The following DIP2A variants were observed in gnomAD, a reference collection of about 807,000 sequenced individuals.
The protein encoded by DIP2A is DIP2 acetate--CoA ligase A.
DIP2A carries 85 observed loss-of-function variants against 177.4 expected under a neutral mutation model. The observed-to-expected ratio is 0.48, with a 90% confidence interval of 0.40 to 0.57. The LOEUF (loss-of-function observed/expected upper bound fraction) is 0.57, where lower values mean the gene tolerates loss of function less well. DIP2A is among the 20% of genes least tolerant of loss of function. The pLI is 0.00. For missense variants in DIP2A, 1,791 were observed against 2,100.2 expected, an observed-to-expected ratio of 0.85 and a Z score of 2.88; for synonymous variants, 886 against 881.8, an observed-to-expected ratio of 1.00 and a Z score of -0.08.
chr21:46,537,612 G>GA lies in DIP2A; in HGVS notation c.1801+79dup, dbSNP rs1340177770. ...CTTTGAACTGACCTTTGGTGCTTAA[G>GA]AAAAAATAAAGCTGACATGTGGAAC... On this transcript the variant is annotated intron_variant, in intron 15 of 37. Coordinates refer to ENST00000417564, the MANE Select transcript of DIP2A (RefSeq NM_015151.4). This position sits in a 1 kb window ranked among gnomAD's most constrained non-coding sequence, Gnocchi z 4.1. 10 of 1,453,582 alleles carry GA rather than the reference G, an allele frequency of 6.9e-6. No homozygotes were observed. In the African/African-American group the frequency reaches 9.9e-5, roughly 14 times the overall value. The allele number at this position is 1,453,582 out of a possible 1,614,324, so 90.0% of individuals were successfully genotyped here.
chr21:46,564,291 C>CA (rs1241266356), intron 35 of DIP2A, among the ~76,000 whole-genome samples: 3 of 152,192 alleles, frequency 2.0e-5, no homozygotes, highest in African/African-American at 7.2e-5. Flanking sequence ...GGCAGGAGCA[C>CA]AGACACGGGG....
Position 46,488,473 on chromosome 21 carries a change from G to C in DIP2A, c.164-2127G>C, listed in dbSNP as rs569128736. 4.6e-5 allele frequency among the ~76,000 whole-genome samples: 7 copies of C among 152,302 alleles called. No individual in the cohort carries two copies. In the South Asian group the frequency reaches 8.3e-4, roughly 18 times the overall value. ...CAGCTCTGTATGTGTACACAGTTCA[G>C]GGTGTCCACAGCAGACAAGGAGTGA... On this transcript the variant is annotated intron_variant, in intron 2 of 37. Transcript: ENST00000417564.
chr21:46,557,767 C>G lies in DIP2A; in HGVS notation c.3798+14C>G. The G allele has an allele frequency of 6.3e-7, 1 of 1,597,306 alleles. No individual in the cohort carries two copies. The highest frequency in any genetic ancestry group is 8.6e-7 in the Non-Finnish European group (1 of 1,166,306). The stretch of plus-strand genomic sequence containing the variant: ...GGTGTCCTCAGGGTGAGTGCCCAGA[C>G]CCGGGCTTCTGAGTGTGCTGCAGAC... On this transcript the variant is annotated intron_variant, in intron 31 of 37. Transcript: ENST00000417564. This position sits in a 1 kb window ranked among gnomAD's most constrained non-coding sequence, Gnocchi z 6.0.
chr21:46,559,330 G>A (rs1438446262), intron 32 of DIP2A, among the ~76,000 whole-genome samples: 2 of 152,218 alleles, frequency 1.3e-5, no homozygotes, highest in African/African-American at 4.8e-5. Flanking sequence ...ATAGCTGGAA[G>A]GAAATGGCAC....
In DIP2A at chr21:46,498,562, C is replaced by T. The variant is rs1188720420; in HGVS notation, c.404-20C>T. The T allele has an allele frequency of 1.9e-6, 3 of 1,590,196 alleles. No individual in the cohort carries two copies. In the African/African-American group the frequency reaches 4.0e-5, roughly 21 times the overall value. ...TGACTCATCCCGATATCATGCCTGT[C>T]ATCGTTATTTTAACCACAGACACGT... On this transcript the variant is annotated intron_variant, in intron 4 of 37. Coordinates refer to ENST00000417564, the MANE Select transcript of DIP2A (RefSeq NM_015151.4). This position sits in a 1 kb window ranked among gnomAD's most constrained non-coding sequence, Gnocchi z 4.3.
intron 33 of DIP2A, 38 bp from the exon 34 acceptor site, chr21:46,561,710 A>G: frequency 6.2e-7 from 1 of 1,612,540 alleles, no homozygotes; most frequent in Non-Finnish European, 8.5e-7. Context: ...CTACCTGTGT[A>G]GTAAATTTTG....
At position 46,538,473 on chromosome 21, in the gene DIP2A, C is replaced by T. The variant is rs1663626466; in HGVS notation, c.1802-10C>T. On this transcript the variant is annotated splice_polypyrimidine_tract_variant and intron_variant, in intron 15 of 37. Transcript: ENST00000417564. ...GACGCAGGGATGTCTGTGCCATCCT[C>T]TCTCTGCAGCTCGGGCCGCGCTGGT... 2 of 1,542,546 alleles carry T rather than the reference C, an allele frequency of 1.3e-6. No homozygotes were observed. Among genetic ancestry groups the T allele is most frequent in the African/African-American group, 1.4e-5 (1 of 73,136 alleles).
chr21:46,561,761 G>T lies in DIP2A; in HGVS notation c.4045G>T (p.Glu1349Ter). 6.2e-7 allele frequency: 1 copy of T among 1,613,978 alleles called. No homozygotes were observed. Among genetic ancestry groups the T allele is most frequent in the South Asian group, 1.1e-5 (1 of 91,078 alleles). The change falls in exon 34 of 38, where the codon GAA becomes TAA. Residue 1349 changes from glutamate to a stop codon, truncating the protein, a stop_gained. Transcript: ENST00000417564. LOFTEE classifies it high-confidence loss of function. ...ALRHDRVRLV[E>*]RGSPHSLPLM... ...CTTAATTTTTAGGGTTCGTTTGGTA[G>T]AACGGGGTTCTCCGCACAGCCTGCC...
chr21:46,474,758 T>C (rs950273253), intron 1 of DIP2A, among the ~76,000 whole-genome samples: 1 of 152,170 alleles, frequency 6.6e-6, no homozygotes, highest in African/African-American at 2.4e-5. Flanking sequence ...GCTGGAACTA[T>C]AGCTGCGCAC....
At position 46,542,069 on chromosome 21, in the gene DIP2A, C is replaced by G. The variant is rs939837025; in HGVS notation, c.2176+174C>G. ...GTTCAAGCGATTCTCCTGCCTCAGC[C>G]TCTTATAAATACTCCAGGCTTCATA... On this transcript the variant is annotated intron_variant, in intron 18 of 37. Transcript: ENST00000417564. Among the ~76,000 whole-genome samples the G allele has an allele frequency of 4.6e-5, 7 of 152,206 alleles. No individual in the cohort carries two copies. In the East Asian group the frequency reaches 1.3e-3, roughly 29 times the overall value.
chr21:46,473,178 T>C (rs2055544262), intron 1 of DIP2A, among the ~76,000 whole-genome samples: 1 of 152,172 alleles, frequency 6.6e-6, no homozygotes, highest in African/African-American at 2.4e-5. Flanking sequence ...GATGAAAATA[T>C]GTGTACACAT....
chr21:46,524,899 TTTTTTG>T, intron 8 of DIP2A, among the ~76,000 whole-genome samples: 1 of 98,400 alleles, frequency 1.0e-5, no homozygotes, highest in African/African-American at 3.5e-5. Context: ...TTTTTTTTTT[TTTTTTG>T]AGACAGAGTC....
At chr21:46,574,416 C>A (rs1393921591), downstream of DIP2A, among the ~76,000 whole-genome samples, 1 of 151,988 alleles carries the variant, frequency 6.6e-6, no homozygotes, top group Non-Finnish European at 1.5e-5. Flanking sequence ...AACATTACAA[C>A]TTAAGAAACT....
chr21:46,461,316 G>T (rs1223646409), intron 1 of DIP2A, among the ~76,000 whole-genome samples: 1 of 125,128 alleles, frequency 8.0e-6, no homozygotes, highest in Non-Finnish European at 1.7e-5. Context: ...ATGGATTTGA[G>T]AATTCTTGGT....
chr21:46,548,181 C>CGT (rs151337762), intron 21 of DIP2A, among the ~76,000 whole-genome samples: 6,493 of 147,560 alleles, frequency 0.044, 182 homozygotes, highest in African/African-American at 0.079. Context: ...TGCATGTGTG[C>CGT]GTGTGTGTGT....
chr21:46,534,295 C>T (rs896550065), intron 12 of DIP2A, among the ~76,000 whole-genome samples, 182 bp downstream of exon 12: 2 of 152,196 alleles, frequency 1.3e-5, no homozygotes, highest in African/African-American at 4.8e-5. Context: ...TTCCAGGTTT[C>T]TCTCTCATCT....
At chr21:46,528,795 A>G (rs2059234148) in intron 8 of DIP2A, among the ~76,000 whole-genome samples, 1 of 151,892 alleles carries the variant, frequency 6.6e-6, no homozygotes, top group South Asian at 2.1e-4. Context: ...TCCAAAGTAC[A>G]GGGATTACAG....
intron 8 of DIP2A, among the ~76,000 whole-genome samples, chr21:46,519,510 C>G (rs1264807916): frequency 6.6e-6 from 1 of 152,238 alleles, no homozygotes; most frequent in East Asian, 1.9e-4. Flanking sequence ...TCAGGCTGAA[C>G]AGGAGTGATG....
intron 34 of DIP2A, among the ~76,000 whole-genome samples, chr21:46,562,497 C>A (rs1218386107): frequency 6.6e-6 from 1 of 152,230 alleles, no homozygotes; most frequent in East Asian, 1.9e-4. Context: ...TGGCCACAGC[C>A]ACCTGTGGGG....
Sources: allele counts gnomAD v4.1 joint callset (sites outside exome capture counted in the v4.1 genomes callset), GRCh38; gene constraint gnomAD v4.1.1; non-coding constraint Gnocchi (gnomAD v3.1); transcripts MANE v1.5; gene names NCBI Gene and HGNC (gene_info 2026-07-23, HGNC 2026-07-21).